Variants in MUC17 observed in about 807,000 individuals in gnomAD.
The protein encoded by MUC17 is mucin 17, cell surface associated.
A neutral mutation model predicts 170.3 loss-of-function variants in MUC17; 190 were observed. The ratio of observed to expected loss-of-function variants is 1.12; its 90% CI spans 0.99 to 1.26. The LOEUF is 1.26. Among genes scored for constraint, MUC17 ranks in the 50% most tolerant of loss-of-function variants. The pLI, the probability that MUC17 is intolerant of heterozygous loss-of-function variation, is 0.00. For missense variants in MUC17, 6,415 were observed against 5,530.0 expected (o/e 1.16, Z -5.08); for synonymous variants, 2,325 against 2,002.5 (o/e 1.16, Z -4.30).
intron 1 of MUC17, among the ~76,000 whole-genome samples, chr7:101,022,951 A>T (rs900614847): frequency 7.9e-5 from 12 of 152,188 alleles, no homozygotes; most frequent in Non-Finnish European, 1.6e-4. Flanking sequence ...TGGGGCTGTC[A>T]TTATAAAGCA....
At chr7:101,044,234 A>G (rs1319107210) in intron 3 of MUC17, among the ~76,000 whole-genome samples, 1 of 152,172 alleles carries the variant, frequency 6.6e-6, no homozygotes, top group East Asian at 1.9e-4. Context: ...GAATGGGAGG[A>G]AATTTTTGCA....
intron 12 of MUC17, 152 bp from the exon 13 acceptor site, chr7:101,057,851 G>A (rs1795075103): frequency 1.7e-6 from 1 of 591,818 alleles, no homozygotes; most frequent in East Asian, 3.1e-5. Context: ...CTGCACTCCA[G>A]CCTGGATGGC....
Position 101,036,504 on chromosome 7 carries a change from T to A in MUC17, c.5088T>A (p.Thr1696=), listed in dbSNP as rs763966240. ...GAAGAACTCCTTTAACAAGTATAAC[T>A]GTCAGAACAACACCGGTGGCCAGCT... The part of the protein sequence containing the change: ...TEGRTPLTSI[T]VRTTPVASSA... Residue 1696 remains threonine, a synonymous_variant, in exon 3 of 13, where the codon ACT becomes ACA. Coordinates refer to ENST00000306151, the MANE Select transcript of MUC17 (RefSeq NM_001040105.2). The A allele has an allele frequency of 3.1e-6, 5 of 1,610,668 alleles. No homozygotes were observed. The Admixed American group carries it at 6.7e-5, about 22-fold the overall frequency.
Position 101,041,562 on chromosome 7 carries a change from A to G in MUC17, c.10146A>G (p.Thr3382=). Residue 3382 remains threonine (T), a synonymous_variant, in exon 3 of 13, where the codon ACA becomes ACG. Transcript: ENST00000306151. The part of the protein sequence containing the change: ...TTSTEASLSP[T]TAEGTSIPTS... ...CTACTGAAGCCAGTTTATCTCCTAC[A>G]ACTGCTGAAGGTACCAGCATACCAA... 4 of 1,606,644 alleles carry G rather than the reference A, an allele frequency of 2.5e-6. No individual in the cohort carries two copies. The highest frequency in any genetic ancestry group is 3.4e-6 in the Non-Finnish European group (4 of 1,177,696).
chr7:101,034,586 C>T lies in MUC17; in HGVS notation c.3170C>T (p.Ser1057Phe), dbSNP rs141993798. 1.6e-3 allele frequency: 2,502 copies of T among 1,607,792 alleles called. 11 individuals are homozygous for T. Among genetic ancestry groups the T allele is most frequent in the East Asian group, 0.015 (654 of 44,756 alleles). ...GTCAGCACCACAATGGTGGCCAGTT[C>T]TGAAACGAGCACACTTTCAACAACT... The part of the protein sequence containing the change: ...MPVSTTMVAS[S>F]ETSTLSTTPA... Residue 1057 changes from serine (S) to phenylalanine (F), a missense_variant, in exon 3 of 13, where the codon TCT becomes TTT. Ser to Phe is a radical substitution (Grantham distance 155). Coordinates refer to ENST00000306151, the MANE Select transcript of MUC17 (RefSeq NM_001040105.2).
chr7:101,032,066 C>T lies in MUC17; in HGVS notation c.650C>T (p.Pro217Leu). The T allele has an allele frequency of 6.2e-7, 1 of 1,614,200 alleles. No homozygotes were observed. ...TCAACTAACAGTGAAGGAAGCACTC[C>T]ATTAACAAGTATGCCTGCCAGCACC... Reference protein sequence around the residue: ...PKSTNSEGSTPLTSMPASTMK... With the variant: ...PKSTNSEGSTLLTSMPASTMK... Residue 217 changes from proline to leucine, a missense_variant, in exon 3 of 13, where the codon CCA (proline) becomes CTA (leucine). Pro to Leu is a moderately conservative substitution (Grantham distance 98). Transcript: ENST00000306151.
At position 101,040,763 on chromosome 7, in the gene MUC17, C is replaced by T. The variant is rs529558106; in HGVS notation, c.9347C>T (p.Pro3116Leu). The T allele has an allele frequency of 4.3e-5, 69 of 1,613,056 alleles. No individual in the cohort carries two copies. The highest frequency in any genetic ancestry group is 1.2e-4 in the South Asian group (11 of 91,008). The change falls in exon 3 of 13, where the codon CCG becomes CTG. Residue 3116 changes from proline to leucine, a missense_variant. Transcript: ENST00000306151. ...PLTGVPVSTT[P>L]VTSSAISTLS... Reference sequence around the variant, plus strand: ...ACAGGTGTGCCTGTCAGCACCACACCGGTGACCAGTTCTGCAATCAGCACC... The same window carrying T: ...ACAGGTGTGCCTGTCAGCACCACACTGGTGACCAGTTCTGCAATCAGCACC...
Position 101,037,578 on chromosome 7 carries a change from G to C in MUC17, c.6162G>C (p.Thr2054=). Residue 2054 remains threonine (T), a synonymous_variant, in exon 3 of 13, where the codon ACG becomes ACC. Coordinates refer to ENST00000306151, the MANE Select transcript of MUC17 (RefSeq NM_001040105.2). ...TAGCAGGTATGCCTGTCAGCACTAC[G>C]CTTGTGGTCAGTTCTGAGGGTAACA... ...TPLAGMPVST[T]LVVSSEGNTL... is the part of the protein sequence containing the mutation. The C allele has an allele frequency of 6.2e-7, 1 of 1,613,092 alleles. No individual in the cohort carries two copies. Among genetic ancestry groups the C allele is most frequent in the Non-Finnish European group, 8.5e-7 (1 of 1,179,652 alleles).
At chr7:101,047,847 TAGAC>T in intron 3 of MUC17, 133 bp from the exon 4 acceptor site, 1 of 1,097,986 alleles carries the variant, frequency 9.1e-7, no homozygotes, top group Non-Finnish European at 1.2e-6. Flanking sequence ...ACAAACAAAT[TAGAC>T]AGTGTCCGTG....
intron 7 of MUC17, 118 bp downstream of exon 7, chr7:101,050,753 T>G (rs1794925926): frequency 7.0e-7 from 1 of 1,421,408 alleles, no homozygotes; most frequent in Non-Finnish European, 9.4e-7. Context: ...AGAATCACTG[T>G]GGGGTCCTAG....
Position 101,035,052 on chromosome 7 carries a change from A to T in MUC17, c.3636A>T (p.Ser1212=), listed in dbSNP as rs1236262521. ...PTAEVTSMPT[S]TPGERSTPLT... ...CTGAAGTTACCAGCATGCCAACCTCAACTCCTGGAGAAAGAAGCACTCCAT... is the reference window on the plus strand; with the variant it reads ...CTGAAGTTACCAGCATGCCAACCTCTACTCCTGGAGAAAGAAGCACTCCAT... Residue 1212 remains serine, a synonymous_variant, in exon 3 of 13, where the codon TCA becomes TCT. Coordinates refer to ENST00000306151, the MANE Select transcript of MUC17 (RefSeq NM_001040105.2). The T allele has an allele frequency of 1.9e-6, 3 of 1,613,976 alleles. No homozygotes were observed. The South Asian group carries it at 3.3e-5, about 18-fold the overall frequency.
In MUC17 at chr7:101,035,606, C is replaced by A. The variant is rs141608296; in HGVS notation, c.4190C>A (p.Pro1397Gln). ...TCAAATCCTAGTGAAGGAACCACTC[C>A]GTTAACAAGTATACCTGTCAGCACC... ...PNSNPSEGTT[P>Q]LTSIPVSTTP... Residue 1397 changes from proline (P) to glutamine (Q), a missense_variant, in exon 3 of 13, where the codon CCG becomes CAG. Physicochemically the swap from Pro to Gln is moderately conservative, Grantham distance 76. Coordinates refer to ENST00000306151, the MANE Select transcript of MUC17 (RefSeq NM_001040105.2). The A allele has an allele frequency of 1.9e-6, 3 of 1,611,836 alleles. No individual in the cohort carries two copies. Among genetic ancestry groups the A allele is most frequent in the Non-Finnish European group, 2.5e-6 (3 of 1,179,384 alleles).
chr7:101,051,701 G>A lies in MUC17; in HGVS notation c.12943+20G>A, dbSNP rs566430549. ...CTGAAGGTAGGTGATAACACAAGGGGTTTGGGGGAAGGCTGGAGAGGTGGG... is the reference window on the plus strand; with the variant it reads ...CTGAAGGTAGGTGATAACACAAGGGATTTGGGGGAAGGCTGGAGAGGTGGG... On this transcript the variant is annotated intron_variant, in intron 8 of 12. Coordinates refer to ENST00000306151, the MANE Select transcript of MUC17 (RefSeq NM_001040105.2). The A allele has an allele frequency of 6.2e-6, 10 of 1,610,346 alleles. No individual in the cohort carries two copies. In the East Asian group the frequency reaches 2.0e-4, roughly 32 times the overall value.
Position 101,042,178 on chromosome 7 carries a change from G to A in MUC17, c.10762G>A (p.Val3588Met), listed in dbSNP as rs1319067331. ...AACTATGCTCCTCAGCAGCACATAT[G>A]TGACCAGTTCTGAGGCTAGCACACC... is the stretch of plus-strand genomic sequence containing the variant. ...LTTMLLSSTY[V>M]TSSEASTPST... Residue 3588 changes from valine to methionine, a missense_variant, in exon 3 of 13, where the codon GTG becomes ATG. Val to Met is a conservative substitution (Grantham distance 21, BLOSUM62 1). Transcript: ENST00000306151. The A allele has an allele frequency of 6.2e-7, 1 of 1,614,066 alleles. No individual in the cohort carries two copies. The highest frequency in any genetic ancestry group is 8.5e-7 in the Non-Finnish European group (1 of 1,180,052).
At position 101,035,564 on chromosome 7, in the gene MUC17, G is replaced by A. The variant is rs1159619335; in HGVS notation, c.4148G>A (p.Gly1383Asp). Residue 1383 changes from glycine (G) to aspartate (D), a missense_variant, in exon 3 of 13, where the codon GGT (glycine) becomes GAT (aspartate). Transcript: ENST00000306151. ...TGTTCATCTCCTACAACTTCTGAAG[G>A]TACCAGCATGCCAAACTCAAATCCT... ...EACSSPTTSEGTSMPNSNPSE... is the reference protein window; with the variant it reads ...EACSSPTTSEDTSMPNSNPSE... 6.2e-7 allele frequency: 1 copy of A among 1,602,056 alleles called. No homozygotes were observed. The highest frequency in any genetic ancestry group is 1.1e-5 in the South Asian group (1 of 90,252).
rs1390190011 is a variant in MUC17, at chr7:101,042,291, G to C, written c.10875G>C (p.Leu3625=). 3.1e-6 allele frequency: 5 copies of C among 1,613,482 alleles called. No individual in the cohort carries two copies. Among genetic ancestry groups the C allele is most frequent in the Non-Finnish European group, 4.2e-6 (5 of 1,179,910 alleles). ...STPTPPEVIT[L]PMSTPSEVST... ...CTACACCTCCTGAAGTTATCACCCT[G>C]CCAATGTCAACTCCTAGTGAAGTAA... The change falls in exon 3 of 13, where the codon CTG becomes CTC. Residue 3625 remains leucine (L), a synonymous_variant. Transcript: ENST00000306151.
chr7:101,026,555 A>T (rs193210576), intron 1 of MUC17, among the ~76,000 whole-genome samples: 1 of 152,306 alleles, frequency 6.6e-6, no homozygotes, highest in East Asian at 1.9e-4. Flanking sequence ...GCCCAGAGCA[A>T]AATGGACATG....
rs746869180 is a variant in MUC17 at position 101,032,889 on chromosome 7, A to C, written c.1473A>C (p.Ser491=). The change falls in exon 3 of 13, where the codon TCA becomes TCC. Residue 491 remains serine, a synonymous_variant. Transcript: ENST00000306151. ...TQVTTSTEAS[S]SPPTAEVNSM... ...TGACCACTTCTACTGAAGCCAGTTC[A>C]TCTCCTCCAACTGCTGAAGTTAACA... 2.5e-6 allele frequency: 4 copies of C among 1,613,822 alleles called. No individual in the cohort carries two copies. The East Asian group carries it at 6.7e-5, about 27-fold the overall frequency.
In MUC17 at chr7:101,034,446, C is replaced by T. The variant is rs764564445; in HGVS notation, c.3030C>T (p.Ser1010=). The T allele has an allele frequency of 1.9e-6, 3 of 1,608,506 alleles. No homozygotes were observed. The South Asian group carries it at 3.3e-5, about 18-fold the overall frequency. ...ASTLSTTPVD[S]NTPLTTSTEA... The stretch of plus-strand genomic sequence containing the variant: ...CCCTTTCAACAACTCCTGTTGACTC[C>T]AACACTCCTTTGACCACTTCTACTG... The change falls in exon 3 of 13, where the codon TCC becomes TCT. Residue 1010 remains serine, a synonymous_variant. Coordinates refer to ENST00000306151, the MANE Select transcript of MUC17 (RefSeq NM_001040105.2).
Sources: allele counts gnomAD v4.1 joint callset (sites outside exome capture counted in the v4.1 genomes callset), GRCh38; gene constraint gnomAD v4.1.1; transcripts MANE v1.5; gene names NCBI Gene and HGNC (gene_info 2026-07-23, HGNC 2026-07-21).